The following RESF1 variants were observed in gnomAD, a reference collection of about 807,000 sequenced individuals.
RESF1 encodes gonad expressed transcript.
Under a neutral mutation model 134.7 loss-of-function variants are expected in RESF1, and 65 were observed. The ratio of observed to expected loss-of-function variants is 0.48; its 90% CI spans 0.40 to 0.59. The LOEUF is 0.59. Ranked by LOEUF, RESF1 falls within the 20% of genes least tolerant of loss-of-function variation. RESF1 has a pLI of 0.00. For synonymous variants in RESF1, 762 were observed against 702.2 expected (o/e 1.09, Z -1.35); for missense variants, 2,274 against 2,002.7 (o/e 1.14, Z -2.59).
intron 2 of RESF1, among the ~76,000 whole-genome samples, chr12:31,966,649 C>T (rs148339877): frequency 1.2e-4 from 19 of 152,290 alleles, no homozygotes; most frequent in Non-Finnish European, 2.8e-4. Context: ...GTGGCTCTCA[C>T]TGGTGAAGCT....
At chr12:31,991,469 C>CAAAT (rs1056490700) in intron 5 of RESF1, among the ~76,000 whole-genome samples, 2 of 152,180 alleles carry the variant, frequency 1.3e-5, no homozygotes, top group Non-Finnish European at 2.9e-5. Flanking sequence ...CCCCATTATT[C>CAAAT]AGAAGAAAAT....
At chr12:31,992,219 C>T (rs897822158) in intron 5 of RESF1, among the ~76,000 whole-genome samples, 159 bp from the exon 6 acceptor site, 1 of 146,348 alleles carries the variant, frequency 6.8e-6, no homozygotes, top group Non-Finnish European at 1.5e-5. Context: ...ATATAACTTA[C>T]AATTCTATAA....
At position 31,982,154 on chromosome 12, in the gene RESF1, T is replaced by C. The variant is rs1403971779; in HGVS notation, c.1199T>C (p.Leu400Ser). 6.2e-6 allele frequency: 10 copies of C among 1,613,002 alleles called. No homozygotes were observed. The South Asian group carries it at 8.8e-5, about 14-fold the overall frequency. Residue 400 changes from leucine (L) to serine (S), a missense_variant, in exon 4 of 6, where the codon TTA becomes TCA. Physicochemically the swap from Leu to Ser is moderately radical, Grantham distance 145. Coordinates refer to ENST00000312561, the MANE Select transcript of RESF1 (RefSeq NM_018169.4). ...AAGCTAGTAAGGGATATTAAAACAT[T>C]AGTAGAGATAAAACAGAAGTTTTCA... ...KEKLVRDIKT[L>S]VEIKQKFSEL...
rs561875518 is a variant in RESF1 at position 31,959,440 on chromosome 12, G to C, written c.-393G>C. On this transcript the variant is annotated 5_prime_UTR_variant, in exon 1 of 6. Transcript: ENST00000312561. Reference sequence around the variant, plus strand: ...ACTTGACTTAAACTCTGGGGCCCGGGAGGCCGCCGGTTTTCTCCCCGCTTG... The same window carrying C: ...ACTTGACTTAAACTCTGGGGCCCGGCAGGCCGCCGGTTTTCTCCCCGCTTG... 1 of 152,540 alleles carries C rather than the reference G, an allele frequency of 6.6e-6. No homozygotes were observed. The highest frequency in any genetic ancestry group is 1.5e-5 in the Non-Finnish European group (1 of 68,222). 9.4% of individuals were successfully genotyped at this position (152,540 alleles called of 1,614,324 possible).
At chr12:31,976,892 T>C (rs1203496198) in intron 3 of RESF1, among the ~76,000 whole-genome samples, 1 of 152,190 alleles carries the variant, frequency 6.6e-6, no homozygotes, top group Admixed American at 6.5e-5. Flanking sequence ...CGTTCAAGGA[T>C]CAACTGTAGT....
At chr12:31,975,264 GAAAAA>G (rs373522445) in intron 3 of RESF1, among the ~76,000 whole-genome samples, 1 of 149,672 alleles carries the variant, frequency 6.7e-6, no homozygotes. Context: ...GACTCCATCT[GAAAAA>G]AAAAGAAAAA....
intron 5 of RESF1, among the ~76,000 whole-genome samples, chr12:31,987,935 G>A (rs1417353111): frequency 2.0e-5 from 3 of 152,060 alleles, no homozygotes; most frequent in Non-Finnish European, 2.9e-5. Context: ...GGGTTTCACC[G>A]TGTTGGCCAG....
Position 31,982,576 on chromosome 12 carries a change from A to G in RESF1, c.1621A>G (p.Thr541Ala), listed in dbSNP as rs1403147970. The G allele has an allele frequency of 6.2e-7, 1 of 1,613,932 alleles. No individual in the cohort carries two copies. Among genetic ancestry groups the G allele is most frequent in the Non-Finnish European group, 8.5e-7 (1 of 1,180,024 alleles). Residue 541 changes from threonine (T) to alanine (A), a missense_variant, in exon 4 of 6, where the codon ACT (threonine) becomes GCT (alanine). Coordinates refer to ENST00000312561, the MANE Select transcript of RESF1 (RefSeq NM_018169.4). ...AVEMTQAVLN[T>A]QLSSENVTKV... ...TGAGATGACCCAGGCAGTATTGAAT[A>G]CTCAGCTTTCATCAGAAAATGTTAC...
At chr12:31,963,716 C>T (rs956822556) in intron 2 of RESF1, among the ~76,000 whole-genome samples, 4 of 152,176 alleles carry the variant, frequency 2.6e-5, no homozygotes, top group African/African-American at 7.2e-5. Context: ...ATAGTGGTAA[C>T]TCCCCATTTT....
At chr12:31,973,389 C>A (rs548306827) in intron 3 of RESF1, among the ~76,000 whole-genome samples, 4 of 151,914 alleles carry the variant, frequency 2.6e-5, no homozygotes, top group Non-Finnish European at 5.9e-5. Flanking sequence ...CACATTACAG[C>A]CTCAAACATC....
Position 31,983,097 on chromosome 12 carries a change from G to C in RESF1, c.2142G>C (p.Lys714Asn), listed in dbSNP as rs564013551. 2.5e-6 allele frequency: 4 copies of C among 1,613,196 alleles called. No homozygotes were observed. The highest frequency in any genetic ancestry group is 3.4e-6 in the Non-Finnish European group (4 of 1,179,770). ...CAAAGCCTGCTAACATCCACGTTAA[G>C]AGTCCTTGTTCAGTTGTGGGAAATT... is the stretch of plus-strand genomic sequence containing the variant. ...GISKPANIHVKSPCSVVGNSN... is the reference protein window; with the variant it reads ...GISKPANIHVNSPCSVVGNSN... The change falls in exon 4 of 6, where the codon AAG becomes AAC. Residue 714 changes from lysine (K) to asparagine (N), a missense_variant. Physicochemically the swap from Lys to Asn is moderately conservative, Grantham distance 94 (BLOSUM62 0). Coordinates refer to ENST00000312561, the MANE Select transcript of RESF1 (RefSeq NM_018169.4).
intron 3 of RESF1, among the ~76,000 whole-genome samples, chr12:31,979,648 C>T (rs539587169): frequency 4.1e-4 from 63 of 152,086 alleles, no homozygotes; most frequent in Admixed American, 3.1e-3. Flanking sequence ...ATGATCCTCC[C>T]TACACTGCCT....
Position 31,982,885 on chromosome 12 carries a change from G to C in RESF1, c.1930G>C (p.Val644Leu), listed in dbSNP as rs375208729. Reference sequence around the variant, plus strand: ...AAGTACTTCTAATGTAAGTGGCAGGGTTTTGGACAACTCCTTTTGCAGTGG... The same window carrying C: ...AAGTACTTCTAATGTAAGTGGCAGGCTTTTGGACAACTCCTTTTGCAGTGG... ...TPSTSNVSGR[V>L]LDNSFCSGQE... Residue 644 changes from valine to leucine, a missense_variant, in exon 4 of 6, where the codon GTT becomes CTT. Transcript: ENST00000312561. 1.9e-6 allele frequency: 3 copies of C among 1,614,086 alleles called. No homozygotes were observed. The highest frequency in any genetic ancestry group is 1.7e-5 in the Admixed American group (1 of 60,024).
Position 31,982,653 on chromosome 12 carries a change from G to T in RESF1, c.1698G>T (p.Lys566Asn). The change falls in exon 4 of 6, where the codon AAG becomes AAT. Residue 566 changes from lysine (K) to asparagine (N), a missense_variant. By Grantham distance (94) the Lys-to-Asn change is moderately conservative (BLOSUM62 0). Transcript: ENST00000312561. ...TTTGTGAAACAATTTCTGTTCCCAAGTCCATGTCCACTGAGGAATATAAAT... is the reference window on the plus strand; with the variant it reads ...TTTGTGAAACAATTTCTGTTCCCAATTCCATGTCCACTGAGGAATATAAAT... ...PAVCETISVPKSMSTEEYKSK... is the reference protein window; with the variant it reads ...PAVCETISVPNSMSTEEYKSK... 1 of 1,614,062 alleles carries T rather than the reference G, an allele frequency of 6.2e-7. No individual in the cohort carries two copies. Among genetic ancestry groups the T allele is most frequent in the South Asian group, 1.1e-5 (1 of 91,082 alleles).
rs1391844938 is a variant in RESF1 at position 31,982,559 on chromosome 12, C to T, written c.1604C>T (p.Thr535Ile). ...LTSKTSAVEM[T>I]QAVLNTQLSS... ...TCAAAGACATCAGCTGTTGAGATGA[C>T]CCAGGCAGTATTGAATACTCAGCTT... The change falls in exon 4 of 6, where the codon ACC becomes ATC. Residue 535 changes from threonine to isoleucine, a missense_variant. Transcript: ENST00000312561. 1 of 1,613,836 alleles carries T rather than the reference C, an allele frequency of 6.2e-7. No homozygotes were observed. The highest frequency in any genetic ancestry group is 2.2e-5 in the East Asian group (1 of 44,886).
In RESF1 at chr12:31,981,592, C is replaced by A. The variant is rs751156885; in HGVS notation, c.637C>A (p.Pro213Thr). Residue 213 changes from proline to threonine, a missense_variant, in exon 4 of 6, where the codon CCA (proline) becomes ACA (threonine). Transcript: ENST00000312561. The part of the protein sequence containing the change: ...SKGLTYPDYR[P>T]PPKLYRYSPQ... ...GGGACTGACTTACCCAGATTACAGACCACCTCCAAAGCTATACCGTTACTC... is the reference window on the plus strand; with the variant it reads ...GGGACTGACTTACCCAGATTACAGAACACCTCCAAAGCTATACCGTTACTC... 6.2e-7 allele frequency: 1 copy of A among 1,614,150 alleles called. No homozygotes were observed. Among genetic ancestry groups the A allele is most frequent in the Admixed American group, 1.7e-5 (1 of 60,014 alleles).
intron 2 of RESF1, among the ~76,000 whole-genome samples, chr12:31,961,836 A>G (rs552050925): frequency 6.6e-6 from 1 of 152,314 alleles, no homozygotes; most frequent in Non-Finnish European, 1.5e-5. Context: ...TATCTCTGTG[A>G]TTGTACAGGA....
rs372085324 is a variant in RESF1, at chr12:31,983,657, G to A, written c.2702G>A (p.Gly901Asp). The change falls in exon 4 of 6, where the codon GGT becomes GAT. Residue 901 changes from glycine (G) to aspartate (D), a missense_variant. By Grantham distance (94) the Gly-to-Asp change is moderately conservative. Transcript: ENST00000312561. Reference protein sequence around the residue: ...QIDNICSLVEGDTSYNSQIAK... With the variant: ...QIDNICSLVEDDTSYNSQIAK... ...GACAATATTTGTTCTCTGGTTGAAG[G>A]TGATACCTCTTACAATTCCCAAATA... The A allele has an allele frequency of 5.6e-6, 9 of 1,613,904 alleles. No homozygotes were observed. The African/African-American group carries it at 1.2e-4, about 22-fold the overall frequency.
intron 1 of RESF1, among the ~76,000 whole-genome samples, 145 bp from the exon 2 acceptor site, chr12:31,960,626 TCTGTTA>T (rs1257527908): frequency 5.3e-5 from 8 of 152,220 alleles, no homozygotes; most frequent in Admixed American, 5.2e-4. Context: ...AGTTTCTATT[TCTGTTA>T]CTTAGGACAC....
Sources: gnomAD v4.1 joint callset for allele counts (sites outside exome capture counted in the v4.1 genomes callset) on GRCh38, gnomAD v4.1.1 for gene constraint, MANE v1.5 for transcripts, NCBI Gene and HGNC (gene_info 2026-07-23, HGNC 2026-07-21) for gene names.